MARCHF3: variants seen among roughly 807,000 people sequenced by gnomAD.
MARCHF3 encodes the protein membrane associated ring-CH-type finger 3, also known as E3 ubiquitin-protein ligase MARCHF3.
MARCHF3 carries 13 observed loss-of-function variants against 24.2 expected under a neutral mutation model. The ratio of observed to expected loss-of-function variants is 0.54; its 90% CI spans 0.35 to 0.85. The LOEUF (loss-of-function observed/expected upper bound fraction) is 0.85, where lower values mean the gene tolerates loss of function less well. Among genes scored for constraint, MARCHF3 ranks in the 40% least tolerant of loss-of-function variants. The probability of loss-of-function intolerance (pLI) is 0.01; values close to 1 mark genes in which losing one functional copy is unlikely to be tolerated. For synonymous variants in MARCHF3, 144 were observed against 137.3 expected (o/e 1.05, Z -0.34); for missense variants, 276 against 325.0 (o/e 0.85, Z 1.16).
chr5:126,937,584 G>A (rs1466539655), intron 1 of MARCHF3, among the ~76,000 whole-genome samples: 1 of 152,126 alleles, frequency 6.6e-6, no homozygotes, highest in African/African-American at 2.4e-5. Context: ...TATAAATGAG[G>A]AAACTAAAAC....
At chr5:126,986,881 C>A (rs1580709138) in intron 1 of MARCHF3, among the ~76,000 whole-genome samples, 1 of 152,098 alleles carries the variant, frequency 6.6e-6, no homozygotes, top group African/African-American at 2.4e-5. Flanking sequence ...AGATGAACAT[C>A]ATGAAAAGAA....
chr5:126,996,198 A>G (rs1361719275), intron 1 of MARCHF3, among the ~76,000 whole-genome samples: 2 of 152,168 alleles, frequency 1.3e-5, no homozygotes, highest in African/African-American at 4.8e-5. Flanking sequence ...TATAGAGGAA[A>G]GAGCAGGAGA....
At chr5:127,001,342 A>G (rs1174354182) in intron 1 of MARCHF3, among the ~76,000 whole-genome samples, 2 of 152,202 alleles carry the variant, frequency 1.3e-5, no homozygotes, top group Non-Finnish European at 2.9e-5. Context: ...CCATCTTACA[A>G]TAATGGGTCA....
intron 1 of MARCHF3, among the ~76,000 whole-genome samples, chr5:126,979,948 CAAA>C (rs757849978): frequency 2.2e-5 from 1 of 44,906 alleles, no homozygotes. Flanking sequence ...AACTCCATCT[CAAA>C]AAAAAAAAAA....
intron 1 of MARCHF3, among the ~76,000 whole-genome samples, chr5:126,958,589 C>T (rs1194084714): frequency 6.6e-6 from 1 of 152,076 alleles, no homozygotes; most frequent in African/African-American, 2.4e-5. Context: ...ATTAATTAAT[C>T]TTTGAATCCA....
At chr5:126,876,320 T>TA (rs989572300) in intron 4 of MARCHF3, among the ~76,000 whole-genome samples, 17 of 152,092 alleles carry the variant, frequency 1.1e-4, no homozygotes, top group Non-Finnish European at 2.4e-4. Context: ...GGCACTCTTC[T>TA]AAAAAAAATT....
At chr5:126,917,438 C>A (rs534516429) in intron 2 of MARCHF3, among the ~76,000 whole-genome samples, 1 of 152,206 alleles carries the variant, frequency 6.6e-6, no homozygotes, top group East Asian at 1.9e-4. Context: ...CGTGAAGGGT[C>A]AGGGATGGGG....
rs147682825 is a variant in MARCHF3, at chr5:126,989,307, G to GTACTAC, written c.-57+41037_-57+41042dup. Among the ~76,000 whole-genome samples the GTACTAC allele has an allele frequency of 3.2e-3, 478 of 149,296 alleles. 1 individual carries two copies. The highest frequency in any genetic ancestry group is 0.011 in the African/African-American group (435 of 40,496). ...AATACTACTACTACTACTACTACTA[G>GTACTAC]TACTACTACTACTACTACTACTACT... On this transcript the variant is annotated intron_variant, in intron 1 of 4. Coordinates refer to ENST00000308660, the MANE Select transcript of MARCHF3 (RefSeq NM_178450.5).
chr5:126,985,603 G>A (rs1044761021), intron 1 of MARCHF3, among the ~76,000 whole-genome samples: 1 of 151,714 alleles, frequency 6.6e-6, no homozygotes, highest in Non-Finnish European at 1.5e-5. Context: ...CGAATAGCTG[G>A]GACTACAGGC....
intron 4 of MARCHF3, among the ~76,000 whole-genome samples, 172 bp downstream of exon 4, chr5:126,878,011 CAA>C (rs2126767335): frequency 6.7e-6 from 1 of 150,326 alleles, no homozygotes; most frequent in African/African-American, 2.5e-5. Flanking sequence ...CACACACAGA[CAA>C]ACACACACAC....
chr5:127,011,149 T>C (rs1229829283), intron 1 of MARCHF3, among the ~76,000 whole-genome samples: 1 of 152,188 alleles, frequency 6.6e-6, no homozygotes, highest in Non-Finnish European at 1.5e-5. Context: ...TAGTTCAAAA[T>C]AGAATGTTTT....
chr5:126,975,010 G>A (rs1348853547), intron 1 of MARCHF3, among the ~76,000 whole-genome samples: 1 of 152,224 alleles, frequency 6.6e-6, no homozygotes, highest in Non-Finnish European at 1.5e-5. Flanking sequence ...ACACTGGAGT[G>A]CAGTGGTGCA....
intron 1 of MARCHF3, among the ~76,000 whole-genome samples, chr5:127,013,338 GGAAAA>G (rs1300499305): frequency 6.6e-6 from 1 of 152,090 alleles, no homozygotes; most frequent in Non-Finnish European, 1.5e-5. Flanking sequence ...TAAAAGGAAA[GGAAAA>G]GAAAAGCTTC....
At chr5:126,886,797 G>T (rs565360192) in intron 3 of MARCHF3, among the ~76,000 whole-genome samples, 1 of 152,008 alleles carries the variant, frequency 6.6e-6, no homozygotes, top group Admixed American at 6.6e-5. Flanking sequence ...CCTCTCTCAG[G>T]GTGGCCCATA....
chr5:126,913,759 C>G (rs1754616882), intron 3 of MARCHF3, among the ~76,000 whole-genome samples: 1 of 152,192 alleles, frequency 6.6e-6, no homozygotes, highest in South Asian at 2.1e-4. Flanking sequence ...ACAAAGCTCT[C>G]TAGCATCTTA....
intron 3 of MARCHF3, among the ~76,000 whole-genome samples, chr5:126,898,624 G>A (rs1754004449): frequency 6.6e-6 from 1 of 152,006 alleles, no homozygotes; most frequent in Non-Finnish European, 1.5e-5. Context: ...TTTCTAGGAT[G>A]GTGCATATTT....
intron 1 of MARCHF3, among the ~76,000 whole-genome samples, chr5:126,921,755 G>A (rs1749114954): frequency 6.6e-6 from 1 of 152,186 alleles, no homozygotes; most frequent in Non-Finnish European, 1.5e-5. Flanking sequence ...CGGCACTGGT[G>A]GGATGGGTCC....
intron 1 of MARCHF3, among the ~76,000 whole-genome samples, chr5:126,955,671 T>G (rs1179021295): frequency 6.6e-6 from 1 of 152,234 alleles, no homozygotes; most frequent in Non-Finnish European, 1.5e-5. Context: ...GTCTTTTTTA[T>G]ACTGATTTGT....
At chr5:126,992,533 G>C (rs945429888) in intron 1 of MARCHF3, among the ~76,000 whole-genome samples, 2 of 152,114 alleles carry the variant, frequency 1.3e-5, no homozygotes, top group African/African-American at 4.8e-5. Context: ...TGAGTTTTGT[G>C]CCCGTGGCTG....
Sources: gnomAD v4.1 joint callset for allele counts (sites outside exome capture counted in the v4.1 genomes callset) on GRCh38, gnomAD v4.1.1 for gene constraint, MANE v1.5 for transcripts, NCBI Gene and HGNC (gene_info 2026-07-23, HGNC 2026-07-21) for gene names.